The following PPFIA2 variants were observed in gnomAD, a reference collection of about 807,000 sequenced individuals.
The protein encoded by PPFIA2 is PPFI scaffold protein A2.
In PPFIA2, 46 loss-of-function variants were observed where a neutral mutation model predicts 175.5. The ratio of observed to expected loss-of-function variants is 0.26; its 90% CI spans 0.21 to 0.34. The LOEUF is 0.34. PPFIA2 is among the 10% of genes least tolerant of loss of function. The pLI, the probability that PPFIA2 is intolerant of heterozygous loss-of-function variation, is 1.00. For missense variants in PPFIA2, 1,179 were observed against 1,506.1 expected, an observed-to-expected ratio of 0.78 and a Z score of 3.60; for synonymous variants, 568 against 511.4, an observed-to-expected ratio of 1.11 and a Z score of -1.49.
At chr12:81,524,259 A>G (rs2063490200) in intron 4 of PPFIA2, among the ~76,000 whole-genome samples, 1 of 152,164 alleles carries the variant, frequency 6.6e-6, no homozygotes, top group Non-Finnish European at 1.5e-5. Flanking sequence ...TCCAGCACAG[A>G]AGAGCTCTGG....
intron 3 of PPFIA2, among the ~76,000 whole-genome samples, chr12:81,740,692 T>C (rs1348516107): frequency 3.9e-5 from 6 of 152,166 alleles, no homozygotes; most frequent in African/African-American, 1.4e-4. Context: ...ATCATAAACA[T>C]GCTAATATTA....
chr12:81,617,138 AATGT>A (rs1169323160), intron 4 of PPFIA2, among the ~76,000 whole-genome samples: 3 of 152,188 alleles, frequency 2.0e-5, no homozygotes, highest in Non-Finnish European at 4.4e-5. Flanking sequence ...TAAAGGAAAT[AATGT>A]ATGTAAAGCA....
intron 22 of PPFIA2, among the ~76,000 whole-genome samples, chr12:81,306,644 G>A (rs1450492001): frequency 6.7e-6 from 1 of 149,130 alleles, no homozygotes; most frequent in Non-Finnish European, 1.5e-5. Context: ...AGGTTCAAGT[G>A]ATTGTCCTGC....
chr12:81,391,115 C>T (rs184804932), intron 8 of PPFIA2, among the ~76,000 whole-genome samples: 1 of 151,818 alleles, frequency 6.6e-6, no homozygotes, highest in Non-Finnish European at 1.5e-5. Flanking sequence ...CACAAATAGG[C>T]AAGGATATGC....
At chr12:81,662,024 A>G (rs11513924) in intron 4 of PPFIA2, among the ~76,000 whole-genome samples, 52,195 of 151,982 alleles carry the variant, frequency 0.34, 9,685 homozygotes, top group Non-Finnish European at 0.42. Context: ...ACAACATACC[A>G]GAATCTCTGG....
At chr12:81,654,364 A>G (rs2067468696) in intron 4 of PPFIA2, among the ~76,000 whole-genome samples, 2 of 152,062 alleles carry the variant, frequency 1.3e-5, no homozygotes, top group South Asian at 4.1e-4. Flanking sequence ...ACTGCGAGAC[A>G]CTTGATCACT....
chr12:81,640,607 G>A (rs568121441), intron 4 of PPFIA2, among the ~76,000 whole-genome samples: 1 of 152,046 alleles, frequency 6.6e-6, no homozygotes, highest in Non-Finnish European at 1.5e-5. Context: ...ATTTTCTAGT[G>A]CCCCATCATC....
At chr12:81,329,409 G>A (rs188255132) in intron 21 of PPFIA2, among the ~76,000 whole-genome samples, 64 of 152,262 alleles carry the variant, frequency 4.2e-4, no homozygotes, top group Non-Finnish European at 7.6e-4. Flanking sequence ...ACTTTTGTGA[G>A]GCCTTCGAGG....
At chr12:81,403,390 T>C (rs564305444) in intron 8 of PPFIA2, among the ~76,000 whole-genome samples, 1 of 152,288 alleles carries the variant, frequency 6.6e-6, no homozygotes, top group Non-Finnish European at 1.5e-5. Context: ...TCCCGAAAAA[T>C]AATCTGTCAT....
chr12:81,342,738 C>T (rs1437263067), intron 19 of PPFIA2, among the ~76,000 whole-genome samples: 2 of 151,994 alleles, frequency 1.3e-5, no homozygotes, highest in Non-Finnish European at 2.9e-5. Context: ...TGTGATCCCA[C>T]CATGACTCTT....
chr12:81,650,522 T>C (rs949819412), intron 4 of PPFIA2, among the ~76,000 whole-genome samples: 1 of 152,178 alleles, frequency 6.6e-6, no homozygotes, highest in African/African-American at 2.4e-5. Context: ...TATAGACTTA[T>C]ATCCTATAGG....
intron 7 of PPFIA2, among the ~76,000 whole-genome samples, chr12:81,407,030 C>T (rs2043059087): frequency 6.6e-6 from 1 of 152,120 alleles, no homozygotes; most frequent in Admixed American, 6.6e-5. Flanking sequence ...TTTGGTATAT[C>T]CTTCTCTAGG....
At chr12:81,697,286 T>C (rs35978836) in intron 3 of PPFIA2, among the ~76,000 whole-genome samples, 2 of 152,084 alleles carry the variant, frequency 1.3e-5, no homozygotes, top group Non-Finnish European at 2.9e-5. Context: ...TTCTGATTCA[T>C]TAAATGTCAC....
chr12:81,406,313 T>C (rs1365659719), intron 7 of PPFIA2, among the ~76,000 whole-genome samples: 1 of 152,140 alleles, frequency 6.6e-6, no homozygotes, highest in Non-Finnish European at 1.5e-5. Context: ...AGATTGAAGG[T>C]TAAAGACTAA....
At chr12:81,329,325 C>T (rs796808856) in intron 21 of PPFIA2, among the ~76,000 whole-genome samples, 40 of 152,250 alleles carry the variant, frequency 2.6e-4, no homozygotes, top group African/African-American at 8.9e-4. Flanking sequence ...TGTCAGGGTC[C>T]GCCTAGTGGT....
intron 4 of PPFIA2, among the ~76,000 whole-genome samples, chr12:81,624,519 T>A (rs2153485904): frequency 6.8e-6 from 1 of 146,734 alleles, no homozygotes; most frequent in African/African-American, 2.5e-5. Context: ...ATATGTATAA[T>A]ACATATTACA....
chr12:81,499,595 C>T (rs1415430202), intron 4 of PPFIA2, among the ~76,000 whole-genome samples: 1 of 152,058 alleles, frequency 6.6e-6, no homozygotes, highest in African/African-American at 2.4e-5. Context: ...TTGTCAGATC[C>T]CATTTAAATC....
At chr12:81,512,966 C>G (rs1380138299) in intron 4 of PPFIA2, among the ~76,000 whole-genome samples, 3 of 151,896 alleles carry the variant, frequency 2.0e-5, no homozygotes, top group East Asian at 1.9e-4. Flanking sequence ...AACAGACAAC[C>G]CACTGGGTAG....
At chr12:81,610,457 T>C (rs750527012) in intron 4 of PPFIA2, among the ~76,000 whole-genome samples, 13 of 152,222 alleles carry the variant, frequency 8.5e-5, no homozygotes, top group Non-Finnish European at 1.8e-4. Flanking sequence ...CCTTTTTGAC[T>C]TAGTTGCTTC....
Sources: gnomAD v4.1 joint callset for allele counts (sites outside exome capture counted in the v4.1 genomes callset) on GRCh38, gnomAD v4.1.1 for gene constraint, MANE v1.5 for transcripts, NCBI Gene and HGNC (gene_info 2026-07-23, HGNC 2026-07-21) for gene names.